The following RAB3GAP2 variants were observed in gnomAD, a reference collection of about 807,000 sequenced individuals.
RAB3GAP2 encodes RAB3 GTPase activating non-catalytic protein subunit 2.
In RAB3GAP2, 87 loss-of-function variants were observed where a neutral mutation model predicts 185.3. That is an observed-to-expected ratio of 0.47 (90% CI 0.39 to 0.56). The LOEUF is 0.56. RAB3GAP2 is among the 20% of genes least tolerant of loss of function. The pLI is 0.00. For synonymous variants in RAB3GAP2, 554 were observed against 576.1 expected (o/e 0.96, Z 0.55); for missense variants, 1,492 against 1,638.2 (o/e 0.91, Z 1.54).
chr1:220,270,596 G>A (rs1660317112), intron 1 of RAB3GAP2, among the ~76,000 whole-genome samples: 1 of 152,106 alleles, frequency 6.6e-6, no homozygotes, highest in East Asian at 1.9e-4. Flanking sequence ...CCTTCACAAG[G>A]TCCTGCAGAT....
intron 1 of RAB3GAP2, among the ~76,000 whole-genome samples, chr1:220,255,434 C>T (rs1345738936): frequency 2.6e-5 from 4 of 152,116 alleles, no homozygotes; most frequent in Admixed American, 1.3e-4. Flanking sequence ...GTGGAGATGG[C>T]TGAATTGACA....
chr1:220,152,475 CTTT>C (rs1657776453), intron 33 of RAB3GAP2, among the ~76,000 whole-genome samples: 1 of 152,224 alleles, frequency 6.6e-6, no homozygotes, highest in African/African-American at 2.4e-5. Context: ...TGCCATACTT[CTTT>C]ATTCCTTGCT....
chr1:220,195,797 T>C (rs1220311656), intron 10 of RAB3GAP2, among the ~76,000 whole-genome samples: 2 of 152,202 alleles, frequency 1.3e-5, no homozygotes, highest in Non-Finnish European at 2.9e-5. Flanking sequence ...TGGACAATTC[T>C]GAGAAGCATG....
At chr1:220,218,836 G>A (rs549888914) in intron 2 of RAB3GAP2, among the ~76,000 whole-genome samples, 56 of 151,958 alleles carry the variant, frequency 3.7e-4, no homozygotes, top group African/African-American at 1.2e-3. Flanking sequence ...ACAACCACAC[G>A]GGGGAGCAGC....
At position 220,164,793 on chromosome 1, in the gene RAB3GAP2, G is replaced by A. The variant is rs777414532; in HGVS notation, c.3094C>T (p.Arg1032Cys). The change falls in exon 27 of 35, where the codon CGT (arginine) becomes TGT (cysteine). Residue 1032 changes from arginine (R) to cysteine (C), a missense_variant. By Grantham distance (180) the Arg-to-Cys change is radical. This residue lies in a region of RAB3GAP2 where 387 missense variants were observed against 455.3 expected (regional missense o/e 0.85). Coordinates refer to ENST00000358951, the MANE Select transcript of RAB3GAP2 (RefSeq NM_012414.4). ...VQWNKDPEEA[R>C]FFVRSIEHLK... Reference sequence around the variant, plus strand: ...TGTTCTATTGACCTAACAAAAAAACGTGCTTCCTTACATACAGGGAGAAAA... The same window carrying A: ...TGTTCTATTGACCTAACAAAAAAACATGCTTCCTTACATACAGGGAGAAAA... 2.1e-5 allele frequency: 34 copies of A among 1,607,638 alleles called. No homozygotes were observed. In the East Asian group the frequency reaches 2.5e-4, roughly 12 times the overall value.
chr1:220,175,187 A>G (rs188557249), intron 21 of RAB3GAP2, among the ~76,000 whole-genome samples: 1 of 152,060 alleles, frequency 6.6e-6, no homozygotes, highest in African/African-American at 2.4e-5. Flanking sequence ...AAAATGTCTG[A>G]CCTGGGCCTG....
rs1463615770 is a variant in RAB3GAP2 at position 220,164,471 on chromosome 1, TTG to T, written c.3154+260_3154+261del. Among the ~76,000 whole-genome samples, 511 of 141,258 alleles carry T rather than the reference TTG, an allele frequency of 3.6e-3. 1 individual carries two copies. Among genetic ancestry groups the T allele is most frequent in the African/African-American group, 0.012 (452 of 36,696 alleles). The allele number at this position is 141,258 out of a possible 152,430, so 92.7% of individuals were successfully genotyped here. ...TTTTTTTTTTGTTTTGTTTTTTGTTTTGTTTTTTTTTTTTTTTTTTTAGAGAC... is the reference window on the plus strand; with the variant it reads ...TTTTTTTTTTGTTTTGTTTTTTGTTTTTTTTTTTTTTTTTTTTTTAGAGAC... On this transcript the variant is annotated intron_variant, in intron 27 of 34. Transcript: ENST00000358951.
chr1:220,250,379 T>G (rs1401712539), intron 1 of RAB3GAP2, among the ~76,000 whole-genome samples: 1 of 152,172 alleles, frequency 6.6e-6, no homozygotes, highest in Non-Finnish European at 1.5e-5. Flanking sequence ...TTGGAAAAGG[T>G]GTATTTACCC....
intron 1 of RAB3GAP2, among the ~76,000 whole-genome samples, chr1:220,269,079 C>T (rs1463587878): frequency 6.6e-6 from 1 of 152,126 alleles, no homozygotes; most frequent in Non-Finnish European, 1.5e-5. Context: ...TTGAGAACAA[C>T]AAGTAGGAAC....
chr1:220,196,675 A>G (rs958289276), intron 9 of RAB3GAP2, among the ~76,000 whole-genome samples: 16 of 151,748 alleles, frequency 1.1e-4, no homozygotes, highest in Admixed American at 1.0e-3. Flanking sequence ...TACTAAATAT[A>G]CAAAAATTAG....
At chr1:220,164,859 C>T (rs912059106) in intron 26 of RAB3GAP2, 60 bp from the exon 27 acceptor site, 24 of 1,483,940 alleles carry the variant, frequency 1.6e-5, no homozygotes, top group Non-Finnish European at 2.0e-5. Flanking sequence ...TAGGTTTTAC[C>T]ATTATCAATG....
At chr1:220,163,795 G>A (rs1658012923) in intron 27 of RAB3GAP2, among the ~76,000 whole-genome samples, 1 of 141,458 alleles carries the variant, frequency 7.1e-6, no homozygotes, top group Non-Finnish European at 1.5e-5. Flanking sequence ...AGATCTAAGA[G>A]ATGAATAAGT....
intron 2 of RAB3GAP2, among the ~76,000 whole-genome samples, chr1:220,231,805 T>C (rs552792118): frequency 6.6e-6 from 1 of 152,316 alleles, no homozygotes; most frequent in East Asian, 1.9e-4. Flanking sequence ...CCTCTACCCA[T>C]TAATGAAGAA....
chr1:220,240,192 T>G (rs144100014), intron 1 of RAB3GAP2, among the ~76,000 whole-genome samples: 8 of 152,150 alleles, frequency 5.3e-5, no homozygotes, highest in Non-Finnish European at 1.0e-4. Context: ...TTCACATCCA[T>G]AGGAGACGTT....
chr1:220,262,071 C>T (rs1469150987), intron 1 of RAB3GAP2, among the ~76,000 whole-genome samples: 4 of 150,368 alleles, frequency 2.7e-5, no homozygotes, highest in Admixed American at 2.0e-4. Context: ...GGGCAGATCA[C>T]GAGGTCAGGA....
chr1:220,177,159 C>A (rs574387828), intron 21 of RAB3GAP2, among the ~76,000 whole-genome samples: 80 of 152,334 alleles, frequency 5.3e-4, no homozygotes, highest in Admixed American at 9.8e-4. Flanking sequence ...CAAATAGCCT[C>A]AGTACCCTCC....
chr1:220,260,869 C>T (rs1363341349), intron 1 of RAB3GAP2, among the ~76,000 whole-genome samples: 5 of 152,162 alleles, frequency 3.3e-5, no homozygotes, highest in Admixed American at 1.3e-4. Flanking sequence ...CAACATATGG[C>T]TTGAACACTT....
At chr1:220,225,076 T>C (rs989748772) in intron 2 of RAB3GAP2, among the ~76,000 whole-genome samples, 2 of 152,120 alleles carry the variant, frequency 1.3e-5, no homozygotes, top group African/African-American at 4.8e-5. Context: ...GGAGCGCAGA[T>C]TTGAACTAAA....
At position 220,153,865 on chromosome 1, in the gene RAB3GAP2, C is replaced by T; in HGVS notation, c.3645+103G>A. On this transcript the variant is annotated intron_variant, in intron 32 of 34. Coordinates refer to ENST00000358951, the MANE Select transcript of RAB3GAP2 (RefSeq NM_012414.4). ...GAACATGTGCTGTTTGGTTTTCTGT[C>T]CTTGCGATAGAAAGTAGTCATTCTT... The T allele has an allele frequency of 2.0e-6, 3 of 1,505,914 alleles. No individual in the cohort carries two copies. The Admixed American group carries it at 5.4e-5, about 27-fold the overall frequency. The allele number at this position is 1,505,914 out of a possible 1,614,324, so 93.3% of individuals were successfully genotyped here.
Sources: allele counts gnomAD v4.1 joint callset (sites outside exome capture counted in the v4.1 genomes callset), GRCh38; gene constraint gnomAD v4.1.1; regional missense constraint gnomAD v4.1.1; transcripts MANE v1.5; gene names NCBI Gene and HGNC (gene_info 2026-07-23, HGNC 2026-07-21).